The following TRAPPC10 variants were observed in gnomAD, a reference collection of about 807,000 sequenced individuals.
The protein encoded by TRAPPC10 is TRAPP 130 kDa subunit.
TRAPPC10 carries 23 observed loss-of-function variants against 125.5 expected under a neutral mutation model. The observed-to-expected ratio is 0.18, with a 90% confidence interval of 0.13 to 0.26. The LOEUF (loss-of-function observed/expected upper bound fraction) is 0.26, where lower values mean the gene tolerates loss of function less well. TRAPPC10 is among the 10% of genes least tolerant of loss of function. The pLI is 1.00. For synonymous variants in TRAPPC10, 509 were observed against 518.0 expected, an observed-to-expected ratio of 0.98 and a Z score of 0.24; for missense variants, 1,123 against 1,308.4, an observed-to-expected ratio of 0.86 and a Z score of 2.19.
chr21:44,039,596 G>A (rs1420205191), intron 3 of TRAPPC10, among the ~76,000 whole-genome samples: 1 of 152,238 alleles, frequency 6.6e-6, no homozygotes, highest in African/African-American at 2.4e-5. Flanking sequence ...GCCGGTCATG[G>A]TGGCTCACGC....
chr21:44,020,181 C>T (rs1255682901), intron 1 of TRAPPC10, among the ~76,000 whole-genome samples: 3 of 149,374 alleles, frequency 2.0e-5, no homozygotes, highest in African/African-American at 7.4e-5. Flanking sequence ...AGTGCAGTGG[C>T]GTGATCTCGG....
chr21:44,079,434 G>GCTAT (rs2037520663), intron 11 of TRAPPC10, 130 bp from the exon 12 acceptor site: 1 of 1,013,174 alleles, frequency 9.9e-7, no homozygotes. Flanking sequence ...GTGGAAAAGG[G>GCTAT]CTATCTAGAG....
At chr21:44,094,840 TCAAA>T (rs1436490732) in intron 20 of TRAPPC10, among the ~76,000 whole-genome samples, 2 of 152,188 alleles carry the variant, frequency 1.3e-5, no homozygotes, top group Non-Finnish European at 2.9e-5. Context: ...TTTGAAATTA[TCAAA>T]CAATGTTTAT....
chr21:44,036,200 A>G (rs973002816), intron 2 of TRAPPC10, among the ~76,000 whole-genome samples: 1 of 152,252 alleles, frequency 6.6e-6, no homozygotes, highest in Admixed American at 6.5e-5. Context: ...ATGCCAGGGA[A>G]TCAGAGAGAA....
intron 3 of TRAPPC10, among the ~76,000 whole-genome samples, chr21:44,038,650 G>T (rs1300649775): frequency 6.6e-6 from 1 of 152,040 alleles, no homozygotes; most frequent in Non-Finnish European, 1.5e-5. Flanking sequence ...AATTCTGTGC[G>T]GCACTTCTTC....
chr21:44,014,312 TC>T, intron 1 of TRAPPC10, among the ~76,000 whole-genome samples: 1 of 152,312 alleles, frequency 6.6e-6, no homozygotes, highest in East Asian at 1.9e-4. Flanking sequence ...GATGCGGTTT[TC>T]TTTCCTACAG....
In TRAPPC10 at chr21:44,015,690, C is replaced by A. The variant is rs910214797; in HGVS notation, c.67+3130C>A. ...AGTGCAGTGGCGCGATCTCGGCTCA[C>A]TGCAACTTCTGCCTCCCGGGTTCAG... is the stretch of plus-strand genomic sequence containing the variant. On this transcript the variant is annotated intron_variant, in intron 1 of 22. Coordinates refer to ENST00000291574, the MANE Select transcript of TRAPPC10 (RefSeq NM_003274.5). 3.7e-4 allele frequency among the ~76,000 whole-genome samples: 56 copies of A among 151,792 alleles called. 2 individuals carry two copies. Among genetic ancestry groups the A allele is most frequent in the African/African-American group, 1.3e-3 (53 of 41,280 alleles).
At chr21:44,015,737 C>T (rs943062582) in intron 1 of TRAPPC10, among the ~76,000 whole-genome samples, 3 of 152,038 alleles carry the variant, frequency 2.0e-5, no homozygotes, top group African/African-American at 7.2e-5. Flanking sequence ...GCCTCAGCCT[C>T]CCAAGTAGCT....
At position 44,082,448 on chromosome 21, in the gene TRAPPC10, G is replaced by GA. The variant is rs2037825244; in HGVS notation, c.1724-337dup. Among the ~76,000 whole-genome samples, 1 of 152,200 alleles carries GA rather than the reference G, an allele frequency of 6.6e-6. No individual in the cohort carries two copies. Among genetic ancestry groups the GA allele is most frequent in the Non-Finnish European group, 1.5e-5 (1 of 68,046 alleles). On this transcript the variant is annotated intron_variant, in intron 13 of 22. Transcript: ENST00000291574. This position sits in a 1 kb window ranked among gnomAD's most constrained non-coding sequence, Gnocchi z 4.4. The stretch of plus-strand genomic sequence containing the variant: ...GGTGAGAAAATATTGGAATCCCTTG[G>GA]AAATAGCTGTAGAAATTGGACTATT...
intron 11 of TRAPPC10, 35 bp from the exon 12 acceptor site, chr21:44,079,529 C>T: frequency 2.5e-6 from 4 of 1,576,366 alleles, no homozygotes; most frequent in Non-Finnish European, 3.4e-6. Flanking sequence ...TTATCCCTAG[C>T]TGTAATGAAA....
chr21:44,080,079 T>C lies in TRAPPC10; in HGVS notation c.1675T>C (p.Phe559Leu), dbSNP rs1268709539. Residue 559 changes from phenylalanine to leucine, a missense_variant, in exon 13 of 23, where the codon TTC becomes CTC. By Grantham distance (22) the Phe-to-Leu change is conservative. Coordinates refer to ENST00000291574, the MANE Select transcript of TRAPPC10 (RefSeq NM_003274.5). ...HHLTEEERKH[F>L]CQEILDFASQ... Reference sequence around the variant, plus strand: ...CCTCACTGAAGAGGAGCGCAAGCACTTCTGCCAGGAGATACTTGACTTTGC... The same window carrying C: ...CCTCACTGAAGAGGAGCGCAAGCACCTCTGCCAGGAGATACTTGACTTTGC... The C allele has an allele frequency of 6.2e-7, 1 of 1,614,072 alleles. No individual in the cohort carries two copies. Among genetic ancestry groups the C allele is most frequent in the African/African-American group, 1.3e-5 (1 of 74,932 alleles).
At chr21:44,089,055 C>G (rs571371350) in intron 17 of TRAPPC10, 3 of 196,656 alleles carry the variant, frequency 1.5e-5, no homozygotes, top group African/African-American at 2.8e-5. Context: ...GGCACCTGTG[C>G]TATGTGCCGT....
At chr21:44,081,026 T>TTTTTTTTTTTTTTCTTTTTTTTA (rs2037694039) in intron 13 of TRAPPC10, among the ~76,000 whole-genome samples, 1 of 138,638 alleles carries the variant, frequency 7.2e-6, no homozygotes, top group Non-Finnish European at 1.5e-5. Context: ...TCTTTTTTTT[T>TTTTTTTTTTTTTTCTTTTTTTTA]TTTTTTTTTT....
intron 3 of TRAPPC10, among the ~76,000 whole-genome samples, chr21:44,040,425 C>T (rs1407567510): frequency 6.6e-6 from 1 of 152,010 alleles, no homozygotes; most frequent in Admixed American, 6.6e-5. Context: ...TCACTGCAAC[C>T]TCAACCTCCC....
chr21:44,048,182 G>A (rs1195849181), intron 3 of TRAPPC10, among the ~76,000 whole-genome samples: 1 of 152,086 alleles, frequency 6.6e-6, no homozygotes, highest in Non-Finnish European at 1.5e-5. Context: ...TGGAATACTC[G>A]AGGGCCCTGT....
At chr21:44,089,636 G>A (rs2038437355) in intron 17 of TRAPPC10, 197 bp from the exon 18 acceptor site, 1 of 607,198 alleles carries the variant, frequency 1.6e-6, no homozygotes. Context: ...TCTCTTGTCT[G>A]TATGCATAGC....
At chr21:44,025,826 GT>G (rs2032996721) in intron 1 of TRAPPC10, among the ~76,000 whole-genome samples, 2 of 2,630 alleles carry the variant, frequency 7.6e-4, no homozygotes, top group Admixed American at 4.3e-3. Flanking sequence ...GCAGGGGTGT[GT>G]GTGTGTGTGT....
chr21:44,040,344 C>CT (rs1320437991), intron 3 of TRAPPC10, among the ~76,000 whole-genome samples: 1 of 151,732 alleles, frequency 6.6e-6, no homozygotes, highest in Non-Finnish European at 1.5e-5. Context: ...AAAATTCTCT[C>CT]TCTCTTTTTT....
At position 44,019,205 on chromosome 21, in the gene TRAPPC10, T is replaced by C. The variant is rs2299814; in HGVS notation, c.67+6645T>C. ...CCGAGTAGCTGCTTGTGTGCCACCA[T>C]GCCCAGTTAATTTTTTGTATTTTCA... is the stretch of plus-strand genomic sequence containing the variant. On this transcript the variant is annotated intron_variant, in intron 1 of 22. Coordinates refer to ENST00000291574, the MANE Select transcript of TRAPPC10 (RefSeq NM_003274.5). Among the ~76,000 whole-genome samples, 206 of 152,238 alleles carry C rather than the reference T, an allele frequency of 1.4e-3. 1 individual carries two copies. Among genetic ancestry groups the C allele is most frequent in the East Asian group, 2.5e-3 (13 of 5,178 alleles).
Sources: gnomAD v4.1 joint callset for allele counts (sites outside exome capture counted in the v4.1 genomes callset) on GRCh38, gnomAD v4.1.1 for gene constraint, Gnocchi (gnomAD v3.1) non-coding constraint, MANE v1.5 for transcripts, NCBI Gene and HGNC (gene_info 2026-07-23, HGNC 2026-07-21) for gene names.